Variants in STPG2 observed in about 807,000 individuals in gnomAD.
The protein encoded by STPG2 is sperm-tail PG-rich repeat-containing protein 2.
Under a neutral mutation model 54.2 loss-of-function variants are expected in STPG2, and 56 were observed. That is an observed-to-expected ratio of 1.03 (90% confidence interval 0.83 to 1.29). The LOEUF is 1.29. STPG2 is among the 50% of genes most tolerant of loss of function. The probability of loss-of-function intolerance (pLI) is 0.00; values close to 1 mark genes in which losing one functional copy is unlikely to be tolerated. For synonymous variants in STPG2, 200 were observed against 181.8 expected, an observed-to-expected ratio of 1.10 and a Z score of -0.81; for missense variants, 596 against 544.9, an observed-to-expected ratio of 1.09 and a Z score of -0.93.
chr4:97,693,470 T>C (rs888761639), intron 10 of STPG2, among the ~76,000 whole-genome samples: 1 of 152,050 alleles, frequency 6.6e-6, no homozygotes, highest in African/African-American at 2.4e-5. Context: ...AGGACTACTC[T>C]AAAAGGAAAA....
chr4:97,666,228 T>C (rs563530469), intron 10 of STPG2, among the ~76,000 whole-genome samples: 95 of 152,286 alleles, frequency 6.2e-4, no homozygotes, highest in African/African-American at 2.2e-3. Flanking sequence ...CTGGCTCCCA[T>C]TGGCTCCATG....
intron 9 of STPG2, among the ~76,000 whole-genome samples, chr4:97,784,212 C>G (rs1353033558): frequency 6.6e-6 from 1 of 151,856 alleles, no homozygotes; most frequent in Admixed American, 6.6e-5. Context: ...ATATCTGTGG[C>G]CTATTCCTTA....
intron 8 of STPG2, among the ~76,000 whole-genome samples, chr4:97,934,742 G>A (rs1732685611): frequency 6.6e-6 from 1 of 152,128 alleles, no homozygotes; most frequent in Non-Finnish European, 1.5e-5. Flanking sequence ...TTTTTGATGT[G>A]CTGGTTTTGG....
chr4:97,470,470 A>G (rs1729896186), intron 4 of STPG2, among the ~76,000 whole-genome samples: 1 of 152,118 alleles, frequency 6.6e-6, no homozygotes, highest in South Asian at 2.1e-4. Context: ...TCTTTAATAT[A>G]TAGTAGTCCC....
At chr4:97,737,656 AG>A (rs1423050558) in intron 9 of STPG2, among the ~76,000 whole-genome samples, 1 of 152,186 alleles carries the variant, frequency 6.6e-6, no homozygotes, top group Non-Finnish European at 1.5e-5. Context: ...AGGGAAGCTT[AG>A]AGAAAAAAAA....
chr4:97,530,554 GA>G (rs1373631190), intron 4 of STPG2, among the ~76,000 whole-genome samples: 2 of 152,036 alleles, frequency 1.3e-5, no homozygotes, highest in Non-Finnish European at 2.9e-5. Context: ...TTAAAAAAGT[GA>G]ATATCATTCA....
chr4:97,729,228 C>A (rs542696600), intron 9 of STPG2, among the ~76,000 whole-genome samples: 2 of 151,496 alleles, frequency 1.3e-5, no homozygotes, highest in African/African-American at 2.4e-5. Context: ...TTTGGAGGAG[C>A]TTTGAGTGAC....
chr4:97,849,496 G>A (rs1729081355), intron 8 of STPG2, among the ~76,000 whole-genome samples: 1 of 151,708 alleles, frequency 6.6e-6, no homozygotes, highest in African/African-American at 2.4e-5. Context: ...CTACAACATG[G>A]GAGAAAATTT....
intron 7 of STPG2, among the ~76,000 whole-genome samples, chr4:97,967,727 A>G (rs1215961984): frequency 1.3e-5 from 2 of 152,232 alleles, no homozygotes; most frequent in African/African-American, 4.8e-5. Context: ...GCACAATTAC[A>G]TGGAAACTGA....
intron 10 of STPG2, among the ~76,000 whole-genome samples, chr4:97,569,391 T>C (rs1334517931): frequency 6.6e-6 from 1 of 152,154 alleles, no homozygotes; most frequent in Non-Finnish European, 1.5e-5. Flanking sequence ...ATCAATTTGA[T>C]CAGCAACGTC....
At chr4:97,777,588 T>C (rs1486782689) in intron 9 of STPG2, among the ~76,000 whole-genome samples, 1 of 152,180 alleles carries the variant, frequency 6.6e-6, no homozygotes, top group Admixed American at 6.5e-5. Context: ...GCAAAATCAA[T>C]GAAAAACTTT....
At position 98,104,052 on chromosome 4, in the gene STPG2, GC is replaced by G. The variant is rs1186782913; in HGVS notation, c.612+1900del. Among the ~76,000 whole-genome samples, 2 of 152,078 alleles carry G rather than the reference GC, an allele frequency of 1.3e-5. 1 individual carries two copies. The highest frequency in any genetic ancestry group is 2.9e-5 in the Non-Finnish European group (2 of 68,010). ...AGTAGCTTCTGTGATGACCACCTCT[GC>G]TAGTGACACAGTCATCCAAATTCAC... On this transcript the variant is annotated intron_variant, in intron 5 of 10. Transcript: ENST00000295268.
chr4:97,943,158 A>G (rs1390201203), intron 8 of STPG2, among the ~76,000 whole-genome samples: 1 of 152,106 alleles, frequency 6.6e-6, no homozygotes, highest in Non-Finnish European at 1.5e-5. Context: ...GGCCTATTTT[A>G]TAAGAGTACT....
Position 97,605,124 on chromosome 4 carries a change from C to T in STPG2, c.1321-46007G>A, listed in dbSNP as rs111359257. Among the ~76,000 whole-genome samples the T allele has an allele frequency of 4.7e-3, 720 of 151,780 alleles. 3 individuals carry two copies. Among genetic ancestry groups the T allele is most frequent in the Middle Eastern group, 0.021 (6 of 292 alleles). ...ATTTACTTAGTTTGACAGTTATACC[C>T]ATTTGCTTCTTTTCTTTCTTGATAA... is the stretch of plus-strand genomic sequence containing the variant. On this transcript the variant is annotated intron_variant, in intron 10 of 10. Transcript: ENST00000295268.
intron 8 of STPG2, among the ~76,000 whole-genome samples, chr4:97,926,394 GCTCT>G (rs1404720864): frequency 6.6e-6 from 1 of 151,980 alleles, no homozygotes; most frequent in South Asian, 2.1e-4. Flanking sequence ...TCCAAGAAGG[GCTCT>G]CTCTTTCATT....
At chr4:98,065,587 T>C (rs1361885332) in intron 5 of STPG2, among the ~76,000 whole-genome samples, 1 of 152,188 alleles carries the variant, frequency 6.6e-6, no homozygotes, top group Non-Finnish European at 1.5e-5. Flanking sequence ...TTATTCAAAA[T>C]TGACTTCTGT....
chr4:97,893,223 G>A (rs987711737), intron 8 of STPG2: 1 of 151,924 alleles, frequency 6.6e-6, no homozygotes, highest in African/African-American at 2.4e-5. Context: ...CTGGGAGTAG[G>A]AGGATGAGTG....
intron 7 of STPG2, among the ~76,000 whole-genome samples, chr4:97,955,641 T>A (rs1426660): frequency 0.39 from 59,310 of 151,950 alleles, 11,698 homozygotes; most frequent in Middle Eastern, 0.46. Flanking sequence ...AGCCAAGAAT[T>A]ATTTAAAACC....
chr4:98,011,108 C>A (rs530058940), intron 5 of STPG2, among the ~76,000 whole-genome samples: 7 of 152,160 alleles, frequency 4.6e-5, no homozygotes, highest in African/African-American at 1.4e-4. Flanking sequence ...TCTCCCTCCC[C>A]CTGTGCTCTA....
Sources: allele counts gnomAD v4.1 joint callset (sites outside exome capture counted in the v4.1 genomes callset), GRCh38; gene constraint gnomAD v4.1.1; transcripts MANE v1.5; gene names NCBI Gene and HGNC (gene_info 2026-07-23, HGNC 2026-07-21).